The following RUNX2 variants were observed in gnomAD, a reference collection of about 807,000 sequenced individuals.
RUNX2 encodes runt-related transcription factor 2.
In RUNX2, 10 loss-of-function variants were observed where a neutral mutation model predicts 51.7. The ratio of observed to expected loss-of-function variants is 0.19; its 90% CI spans 0.12 to 0.33. The LOEUF (loss-of-function observed/expected upper bound fraction) is 0.33. RUNX2 is among the 10% of genes least tolerant of loss of function. The probability of loss-of-function intolerance (pLI) is 1.00; values close to 1 mark genes in which losing one functional copy is unlikely to be tolerated. For missense variants in RUNX2, 562 were observed against 691.3 expected (o/e 0.81, Z 2.10); for synonymous variants, 276 against 273.6 (o/e 1.01, Z -0.09).
chr6:45,347,613 G>C (rs16873351), intron 2 of RUNX2, among the ~76,000 whole-genome samples: 26,166 of 151,928 alleles, frequency 0.17, 3,388 homozygotes, highest in African/African-American at 0.36. Context: ...CTTGGGGTCT[G>C]TCTGCAAAAG....
chr6:45,452,002 A>T (rs1799187617), intron 5 of RUNX2, among the ~76,000 whole-genome samples: 2 of 152,216 alleles, frequency 1.3e-5, no homozygotes, highest in South Asian at 4.1e-4. Context: ...CAAAAAGAGA[A>T]ACAGATCTGC....
At chr6:45,451,241 C>A (rs1799162647) in intron 5 of RUNX2, among the ~76,000 whole-genome samples, 1 of 152,128 alleles carries the variant, frequency 6.6e-6, no homozygotes, top group Non-Finnish European at 1.5e-5. Context: ...GGGGGAATGG[C>A]TTGTCTGTAG....
Position 45,359,141 on chromosome 6 carries a change from T to C in RUNX2, c.58+30357T>C, listed in dbSNP as rs571339943. On this transcript the variant is annotated intron_variant, in intron 2 of 8. Coordinates refer to ENST00000647337, the MANE Select transcript of RUNX2 (RefSeq NM_001024630.4). ...TAGTTATTATCTTCTCATGAGAGAA[T>C]TGATAGTAATATTTAAATAAAAAAA... Among the ~76,000 whole-genome samples, 13 of 152,284 alleles carry C rather than the reference T, an allele frequency of 8.5e-5. No individual in the cohort carries two copies. In the South Asian group the frequency reaches 2.3e-3, roughly 27 times the overall value.
intron 2 of RUNX2, among the ~76,000 whole-genome samples, chr6:45,363,536 C>T (rs1042233715): frequency 1.3e-5 from 2 of 152,014 alleles, no homozygotes; most frequent in Admixed American, 6.6e-5. Flanking sequence ...CAAAGTAAAT[C>T]AATGAACCAG....
chr6:45,376,903 A>G (rs1390706034), intron 2 of RUNX2, among the ~76,000 whole-genome samples: 1 of 152,174 alleles, frequency 6.6e-6, no homozygotes, highest in Non-Finnish European at 1.5e-5. Flanking sequence ...ATGTATATAC[A>G]TATATATACA....
intron 7 of RUNX2, among the ~76,000 whole-genome samples, chr6:45,528,560 G>T (rs539048398): frequency 6.6e-6 from 1 of 152,238 alleles, no homozygotes; most frequent in South Asian, 2.1e-4. Context: ...GGCAGAGGTT[G>T]CAGTGAGCCT....
intron 2 of RUNX2, chr6:45,421,442 C>A (rs1798185819): frequency 2.0e-5 from 3 of 152,082 alleles, no homozygotes; most frequent in African/African-American, 7.3e-5. Flanking sequence ...ACAAAAAACA[C>A]CCAAACCCTG....
chr6:45,491,925 G>A lies in RUNX2; in HGVS notation c.686-16G>A, dbSNP rs764226396. ...GCTAATTAATATGCTTTTATTTTAT[G>A]ATTTGCTATTTCCAGGGCACAGACA... On this transcript the variant is annotated splice_polypyrimidine_tract_variant and intron_variant, in intron 5 of 8. Coordinates refer to ENST00000647337, the MANE Select transcript of RUNX2 (RefSeq NM_001024630.4). 1.9e-6 allele frequency: 3 copies of A among 1,613,046 alleles called. No individual in the cohort carries two copies. The South Asian group carries it at 3.3e-5, about 18-fold the overall frequency.
In RUNX2 at chr6:45,394,705, G is replaced by A. The variant is rs955639744; in HGVS notation, c.59-27888G>A. Among the ~76,000 whole-genome samples, 10 of 152,284 alleles carry A rather than the reference G, an allele frequency of 6.6e-5. No homozygotes were observed. The East Asian group carries it at 1.7e-3, about 26-fold the overall frequency. ...GAAGGCCAGTAGGGGCTGGGGTTAT[G>A]TATTTCTCTTCCTCCATGTGGAATG... On this transcript the variant is annotated intron_variant, in intron 2 of 8. Transcript: ENST00000647337.
intron 2 of RUNX2, among the ~76,000 whole-genome samples, chr6:45,378,594 C>T (rs1363722793): frequency 1.3e-5 from 2 of 151,984 alleles, no homozygotes; most frequent in African/African-American, 4.8e-5. Context: ...TTTTCCCCAA[C>T]TCATGTTACT....
At chr6:45,437,890 AATC>A in intron 4 of RUNX2, 54 bp from the exon 5 acceptor site, 1 of 1,236,708 alleles carries the variant, frequency 8.1e-7, no homozygotes, top group East Asian at 2.3e-5. Context: ...GCTGCTGTGT[AATC>A]ATCAACACTG....
At chr6:45,336,240 T>C (rs1011186509) in intron 2 of RUNX2, among the ~76,000 whole-genome samples, 6 of 151,492 alleles carry the variant, frequency 4.0e-5, no homozygotes, top group Non-Finnish European at 5.9e-5. Context: ...AAGTGTTAGC[T>C]AGATAAGGAC....
At chr6:45,466,321 A>G (rs1799629189) in intron 5 of RUNX2, among the ~76,000 whole-genome samples, 1 of 152,176 alleles carries the variant, frequency 6.6e-6, no homozygotes, top group Non-Finnish European at 1.5e-5. Context: ...CTTAAAAAAA[A>G]AAAGAAAACT....
At chr6:45,422,492 C>CT in intron 2 of RUNX2, 101 bp from the exon 3 acceptor site, 1 of 642,296 alleles carries the variant, frequency 1.6e-6, no homozygotes. Flanking sequence ...CCCGTCTCGC[C>CT]TTCACCCCCC....
chr6:45,348,175 G>A (rs1791277126), intron 2 of RUNX2, among the ~76,000 whole-genome samples: 1 of 151,964 alleles, frequency 6.6e-6, no homozygotes, highest in Non-Finnish European at 1.5e-5. Context: ...TAATAATTAA[G>A]AAAATAAGTT....
chr6:45,477,449 G>A (rs1799987681), intron 5 of RUNX2, among the ~76,000 whole-genome samples: 1 of 152,152 alleles, frequency 6.6e-6, no homozygotes, highest in South Asian at 2.1e-4. Flanking sequence ...GGCCAACACA[G>A]CGTTAGGGAT....
At chr6:45,424,195 G>T (rs972224117) in intron 3 of RUNX2, among the ~76,000 whole-genome samples, 2 of 152,286 alleles carry the variant, frequency 1.3e-5, no homozygotes, top group Non-Finnish European at 2.9e-5. Context: ...CAGGTGCTCC[G>T]CAGGTTGAGG....
chr6:45,376,423 A>G (rs895018813), intron 2 of RUNX2, among the ~76,000 whole-genome samples: 2 of 152,212 alleles, frequency 1.3e-5, no homozygotes, highest in Admixed American at 1.3e-4. Context: ...ATTTAAACGT[A>G]AATCAATTTA....
chr6:45,500,706 C>T (rs539045638), intron 6 of RUNX2, among the ~76,000 whole-genome samples: 1 of 152,238 alleles, frequency 6.6e-6, no homozygotes, highest in African/African-American at 2.4e-5. Context: ...TCTTTGAGGA[C>T]CCAGCTGAAG....
Sources: allele counts gnomAD v4.1 joint callset (sites outside exome capture counted in the v4.1 genomes callset), GRCh38; gene constraint gnomAD v4.1.1; transcripts MANE v1.5; gene names NCBI Gene and HGNC (gene_info 2026-07-23, HGNC 2026-07-21).